CNPY1: variants seen among roughly 807,000 people sequenced by gnomAD.
CNPY1 encodes canopy FGF signaling regulator 1.
Under a neutral mutation model 14.4 loss-of-function variants are expected in CNPY1, and 14 were observed. The ratio of observed to expected loss-of-function variants is 0.97; its 90% CI spans 0.64 to 1.52. The LOEUF (loss-of-function observed/expected upper bound fraction) is 1.52. Ranked by LOEUF, CNPY1 falls within the 40% of genes most tolerant of loss-of-function variation. The probability of loss-of-function intolerance (pLI) is 0.00; values close to 1 mark genes in which losing one functional copy is unlikely to be tolerated. For missense variants in CNPY1, 129 were observed against 131.5 expected, an observed-to-expected ratio of 0.98 and a Z score of 0.09; for synonymous variants, 43 against 46.5, an observed-to-expected ratio of 0.92 and a Z score of 0.31.
In CNPY1 at chr7:155,502,527, G is replaced by C. The variant is rs1056735266; in HGVS notation, c.*541C>G. 6.6e-6 allele frequency: 1 copy of C among 152,194 alleles called. No individual in the cohort carries two copies. Among genetic ancestry groups the C allele is most frequent in the African/African-American group, 2.4e-5 (1 of 41,392 alleles). The allele number at this position is 152,194 out of a possible 1,614,324, so 9.4% of individuals were successfully genotyped here. On this transcript the variant is annotated 3_prime_UTR_variant, in exon 5 of 5. Transcript: ENST00000636446. ...TTTAGAGATGGGTTTTTAAACTTGT[G>C]GTTTCTAAAAATTTTAATTTCATTC...
At chr7:155,510,445 CG>C (rs1262489158) in intron 2 of CNPY1, 1 of 152,200 alleles carries the variant, frequency 6.6e-6, no homozygotes, top group African/African-American at 2.4e-5. Context: ...ATACCGCCGC[CG>C]ATTAACTATC....
chr7:155,505,594 CCT>C (rs1247564874), intron 4 of CNPY1, among the ~76,000 whole-genome samples: 1 of 152,192 alleles, frequency 6.6e-6, no homozygotes, highest in Non-Finnish European at 1.5e-5. Context: ...TTACTGGAAC[CCT>C]CTCTAGTCCT....
At chr7:155,539,789 C>A (rs1797063813) in intron 2 of CNPY1, among the ~76,000 whole-genome samples, 1 of 152,164 alleles carries the variant, frequency 6.6e-6, no homozygotes, top group Non-Finnish European at 1.5e-5. Flanking sequence ...ATACCCTTTT[C>A]ATGGAGGAGA....
At chr7:155,534,077 C>G (rs1796991192) in intron 2 of CNPY1, among the ~76,000 whole-genome samples, 1 of 152,172 alleles carries the variant, frequency 6.6e-6, no homozygotes, top group Non-Finnish European at 1.5e-5. Flanking sequence ...CCCTAGGACA[C>G]TGACATGCCT....
intron 2 of CNPY1, among the ~76,000 whole-genome samples, chr7:155,523,297 G>T (rs189141502): frequency 1.3e-5 from 2 of 152,220 alleles, no homozygotes; most frequent in African/African-American, 4.8e-5. Flanking sequence ...ACCGGAAACC[G>T]ACTCAAAGAT....
intron 2 of CNPY1, among the ~76,000 whole-genome samples, chr7:155,519,666 T>C (rs1312503015): frequency 6.6e-6 from 1 of 152,210 alleles, no homozygotes; most frequent in Non-Finnish European, 1.5e-5. Flanking sequence ...AAGTTAATAT[T>C]GTTCCTGTTA....
chr7:155,535,987 G>A (rs1168492001), intron 2 of CNPY1, among the ~76,000 whole-genome samples: 2 of 152,194 alleles, frequency 1.3e-5, no homozygotes, highest in African/African-American at 4.8e-5. Context: ...ATTTAAAAGA[G>A]CTCAAGTGTT....
chr7:155,506,404 A>G (rs936146327), intron 4 of CNPY1, among the ~76,000 whole-genome samples: 7 of 152,212 alleles, frequency 4.6e-5, no homozygotes, highest in Non-Finnish European at 7.3e-5. Context: ...TGTATATTAT[A>G]AATAAAATTC....
chr7:155,536,795 G>A lies in CNPY1; in HGVS notation c.99+9036C>T, dbSNP rs533672470. Among the ~76,000 whole-genome samples the A allele has an allele frequency of 5.9e-5, 9 of 152,286 alleles. No homozygotes were observed. In the East Asian group the frequency reaches 1.2e-3, roughly 20 times the overall value. ...CATGAGCAAGAAGTCAACTCTCAAC[G>A]CTCGTGGTGATCCACACTGACACCA... On this transcript the variant is annotated intron_variant, in intron 2 of 4. Coordinates refer to ENST00000636446, the MANE Select transcript of CNPY1 (RefSeq NM_001393663.1). This position sits in a 1 kb window ranked among gnomAD's most constrained non-coding sequence, Gnocchi z 4.1.
chr7:155,515,672 T>A (rs1006649920), intron 2 of CNPY1, among the ~76,000 whole-genome samples: 1 of 151,806 alleles, frequency 6.6e-6, no homozygotes, highest in Non-Finnish European at 1.5e-5. Flanking sequence ...TCTTGGCAGA[T>A]TTGTGCTGCT....
intron 2 of CNPY1, among the ~76,000 whole-genome samples, chr7:155,534,374 C>T (rs1455178490): frequency 6.6e-6 from 1 of 152,014 alleles, no homozygotes; most frequent in Non-Finnish European, 1.5e-5. Flanking sequence ...CAGGCACACA[C>T]ACGCATGCAT....
chr7:155,508,267 C>T (rs915962078), intron 3 of CNPY1, among the ~76,000 whole-genome samples: 1 of 152,218 alleles, frequency 6.6e-6, no homozygotes, highest in Non-Finnish European at 1.5e-5. Context: ...ATCAACATTA[C>T]ACTGGAAGGA....
intron 2 of CNPY1, among the ~76,000 whole-genome samples, chr7:155,509,460 TCAGA>T (rs1452718834): frequency 4.0e-5 from 6 of 151,826 alleles, no homozygotes; most frequent in South Asian, 2.1e-4. Context: ...CATCTACTTG[TCAGA>T]CAGAGAGAGG....
chr7:155,527,054 C>CTTTCTTTCTTTCTTTCTTTTTTTTTTT (rs56296833), intron 2 of CNPY1, among the ~76,000 whole-genome samples: 2 of 90,344 alleles, frequency 2.2e-5, no homozygotes, highest in Admixed American at 1.3e-4. Context: ...TTCTTTCTTT[C>CTTTCTTTCTTTCTTTCTTTTTTTTTTT]TTTTTTTTTT....
intron 2 of CNPY1, among the ~76,000 whole-genome samples, chr7:155,509,669 C>G (rs1796466942): frequency 6.6e-6 from 1 of 152,150 alleles, no homozygotes; most frequent in East Asian, 1.9e-4. Context: ...GCTGCAGCCG[C>G]GCGATGGCCC....
At chr7:155,541,449 G>A (rs1797083057) in intron 2 of CNPY1, among the ~76,000 whole-genome samples, 1 of 152,190 alleles carries the variant, frequency 6.6e-6, no homozygotes, top group Non-Finnish European at 1.5e-5. Context: ...GTCCCATAAA[G>A]TTGATAACAT....
intron 2 of CNPY1, among the ~76,000 whole-genome samples, chr7:155,531,899 G>C (rs1423587195): frequency 6.6e-6 from 1 of 152,200 alleles, no homozygotes; most frequent in Non-Finnish European, 1.5e-5. Context: ...GCCACTGTCA[G>C]CCCGGAAGCA....
chr7:155,534,088 G>T (rs1005352703), intron 2 of CNPY1, among the ~76,000 whole-genome samples: 2 of 152,300 alleles, frequency 1.3e-5, no homozygotes, highest in Admixed American at 1.3e-4. Context: ...TGACATGCCT[G>T]CCCTGTATGT....
At chr7:155,517,311 C>T (rs966531390) in intron 2 of CNPY1, among the ~76,000 whole-genome samples, 2 of 152,170 alleles carry the variant, frequency 1.3e-5, no homozygotes, top group African/African-American at 4.8e-5. Flanking sequence ...CATCTACAAG[C>T]CAAGGAGAGG....
Sources: gnomAD v4.1 joint callset for allele counts (sites outside exome capture counted in the v4.1 genomes callset) on GRCh38, gnomAD v4.1.1 for gene constraint, Gnocchi (gnomAD v3.1) non-coding constraint, MANE v1.5 for transcripts, NCBI Gene and HGNC (gene_info 2026-07-23, HGNC 2026-07-21) for gene names.